SLCO1B3: variants seen among roughly 807,000 people sequenced by gnomAD.
The protein encoded by SLCO1B3 is solute carrier organic anion transporter family member 1B3, also known as liver-specific organic anion transporter 2.
In SLCO1B3, 72 loss-of-function variants were observed where a neutral mutation model predicts 71.8. That is an observed-to-expected ratio of 1.00 (90% CI 0.83 to 1.22). The LOEUF (loss-of-function observed/expected upper bound fraction) is 1.22. Among genes scored for constraint, SLCO1B3 ranks in the 50% most tolerant of loss-of-function variants. The pLI, the probability that SLCO1B3 is intolerant of heterozygous loss-of-function variation, is 0.00. For synonymous variants in SLCO1B3, 298 were observed against 278.4 expected (o/e 1.07, Z -0.70); for missense variants, 911 against 819.7 (o/e 1.11, Z -1.36).
intron 3 of SLCO1B3, among the ~76,000 whole-genome samples, chr12:20,836,844 T>C (rs1864692675): frequency 6.6e-6 from 1 of 152,146 alleles, no homozygotes; most frequent in Non-Finnish European, 1.5e-5. Context: ...GGTTTCACTG[T>C]GTTAGCCAGG....
At chr12:20,908,717 G>A (rs1243050058) in intron 15 of SLCO1B3, among the ~76,000 whole-genome samples, 2 of 151,984 alleles carry the variant, frequency 1.3e-5, no homozygotes, top group African/African-American at 4.8e-5. Context: ...TTGCTTGATG[G>A]GTTATTTCTT....
At chr12:20,898,260 C>G (rs1866055602) in intron 13 of SLCO1B3, among the ~76,000 whole-genome samples, 176 bp from the exon 14 acceptor site, 1 of 152,042 alleles carries the variant, frequency 6.6e-6, no homozygotes, top group South Asian at 2.1e-4. Context: ...TTATTATTAT[C>G]ACTCAGGTGT....
chr12:20,909,868 TAGTC>T (rs1866339614), intron 15 of SLCO1B3, among the ~76,000 whole-genome samples: 1 of 152,138 alleles, frequency 6.6e-6, no homozygotes, highest in South Asian at 2.1e-4. Context: ...TTTTCTTAGT[TAGTC>T]CATTAATATG....
At chr12:20,844,342 G>A (rs912800634) in intron 3 of SLCO1B3, among the ~76,000 whole-genome samples, 2 of 151,916 alleles carry the variant, frequency 1.3e-5, no homozygotes, top group African/African-American at 2.4e-5. Context: ...TGAGGTGGGC[G>A]AATCACTTGA....
At chr12:20,882,915 G>A (rs114308391) in intron 12 of SLCO1B3, among the ~76,000 whole-genome samples, 17 of 152,174 alleles carry the variant, frequency 1.1e-4, no homozygotes, top group African/African-American at 3.9e-4. Flanking sequence ...AAACCTTTCT[G>A]GTAATAATAT....
chr12:20,911,613 A>G (rs2120452491), intron 15 of SLCO1B3, among the ~76,000 whole-genome samples: 1 of 152,304 alleles, frequency 6.6e-6, no homozygotes, highest in Admixed American at 6.5e-5. Context: ...CATTTCTTTA[A>G]CAGATATAGA....
At chr12:20,907,367 T>C (rs1486325914) in intron 15 of SLCO1B3, among the ~76,000 whole-genome samples, 1 of 152,020 alleles carries the variant, frequency 6.6e-6, no homozygotes, top group African/African-American at 2.4e-5. Flanking sequence ...AATCTTTCCC[T>C]AAATGGGAGA....
At chr12:20,816,817 A>G (rs1591739298) in intron 3 of SLCO1B3, among the ~76,000 whole-genome samples, 1 of 152,190 alleles carries the variant, frequency 6.6e-6, no homozygotes, top group Non-Finnish European at 1.5e-5. Context: ...TGCTACCAAC[A>G]GTGTACAAGG....
rs776615696 is a variant in SLCO1B3 at position 20,875,228 on chromosome 12, C to T, written c.728-7C>T. The T allele has an allele frequency of 6.2e-7, 1 of 1,611,776 alleles. No homozygotes were observed. The highest frequency in any genetic ancestry group is 1.1e-5 in the South Asian group (1 of 90,396). ...TTTGACTGGCTTCTTTTAACTGTTT[C>T]TCCTAGGCACTATCAGAATAACTCC... On this transcript the variant is annotated splice_polypyrimidine_tract_variant and splice_region_variant and intron_variant, in intron 8 of 15. Coordinates refer to ENST00000381545, the MANE Select transcript of SLCO1B3 (RefSeq NM_019844.4).
chr12:20,818,503 G>T (rs905778610), intron 3 of SLCO1B3, among the ~76,000 whole-genome samples: 1 of 152,096 alleles, frequency 6.6e-6, no homozygotes, highest in Non-Finnish European at 1.5e-5. Context: ...TTTGGGACTC[G>T]GGGTATGTTG....
chr12:20,866,283 T>C (rs779070536), intron 8 of SLCO1B3, among the ~76,000 whole-genome samples: 3 of 152,070 alleles, frequency 2.0e-5, no homozygotes, highest in Non-Finnish European at 4.4e-5. Context: ...AGGACCATTG[T>C]AAAACAAAAA....
At position 20,857,241 on chromosome 12, in the gene SLCO1B3, C is replaced by CT. The variant is rs148020867; in HGVS notation, c.227-1197dup. Among the ~76,000 whole-genome samples, 491 of 152,216 alleles carry CT rather than the reference C, an allele frequency of 3.2e-3. 1 individual carries two copies. Among genetic ancestry groups the CT allele is most frequent in the Non-Finnish European group, 5.5e-3 (376 of 67,988 alleles). ...AATTTACTAGCATGTATCCGAGACTCTATCTTTCTACGTTATTTCTGCTGG... is the reference window on the plus strand; with the variant it reads ...AATTTACTAGCATGTATCCGAGACTCTTATCTTTCTACGTTATTTCTGCTGG... On this transcript the variant is annotated intron_variant, in intron 4 of 15. Coordinates refer to ENST00000381545, the MANE Select transcript of SLCO1B3 (RefSeq NM_019844.4).
At chr12:20,905,240 A>G (rs1184405841) in intron 15 of SLCO1B3, among the ~76,000 whole-genome samples, 1 of 151,688 alleles carries the variant, frequency 6.6e-6, no homozygotes, top group Non-Finnish European at 1.5e-5. Flanking sequence ...AAACCATTTA[A>G]CCCTCCTAGG....
At chr12:20,859,816 T>C (rs962753187) in intron 5 of SLCO1B3, among the ~76,000 whole-genome samples, 8 of 152,172 alleles carry the variant, frequency 5.3e-5, no homozygotes, top group Non-Finnish European at 1.2e-4. Flanking sequence ...GCATCTGTTA[T>C]TTCTACAGAC....
At chr12:20,823,783 G>T (rs1864367209) in intron 3 of SLCO1B3, among the ~76,000 whole-genome samples, 2 of 152,140 alleles carry the variant, frequency 1.3e-5, no homozygotes, top group South Asian at 4.1e-4. Flanking sequence ...GAGGTCTTAA[G>T]AAAGCTTGGA....
In SLCO1B3 at chr12:20,827,634, T is replaced by C. The variant is rs370060216; in HGVS notation, c.84+11812T>C. ...TTGCCCGGGCTGGAGTGCAGTGGCATGATCTCAGTTCACTGCAATCTGTAT... is the reference window on the plus strand; with the variant it reads ...TTGCCCGGGCTGGAGTGCAGTGGCACGATCTCAGTTCACTGCAATCTGTAT... On this transcript the variant is annotated intron_variant, in intron 3 of 15. Transcript: ENST00000381545. Among the ~76,000 whole-genome samples, 161 of 152,180 alleles carry C rather than the reference T, an allele frequency of 1.1e-3. 4 individuals are homozygous for C. The South Asian group carries it at 0.033, about 31-fold the overall frequency.
intron 3 of SLCO1B3, among the ~76,000 whole-genome samples, chr12:20,852,416 C>G (rs556573622): frequency 1.3e-5 from 2 of 152,258 alleles, no homozygotes; most frequent in South Asian, 4.1e-4. Context: ...GAGGTTGGGA[C>G]TGCAGTGAGC....
intron 3 of SLCO1B3, among the ~76,000 whole-genome samples, chr12:20,852,547 G>A (rs1865046584): frequency 1.3e-5 from 2 of 152,140 alleles, no homozygotes; most frequent in Admixed American, 1.3e-4. Flanking sequence ...TAGTATGGAT[G>A]TTTTAACAAT....
chr12:20,839,120 T>G (rs577356150), intron 3 of SLCO1B3, among the ~76,000 whole-genome samples: 1 of 152,180 alleles, frequency 6.6e-6, no homozygotes, highest in African/African-American at 2.4e-5. Flanking sequence ...CATCATTGTG[T>G]CATTCTTTTT....
Sources: allele counts gnomAD v4.1 joint callset (sites outside exome capture counted in the v4.1 genomes callset), GRCh38; gene constraint gnomAD v4.1.1; transcripts MANE v1.5; gene names NCBI Gene and HGNC (gene_info 2026-07-23, HGNC 2026-07-21).